IQSEC1: variants seen among roughly 807,000 people sequenced by gnomAD.
IQSEC1 encodes IQ motif and SEC7 domain-containing protein 1.
IQSEC1 carries 31 observed loss-of-function variants against 91.0 expected under a neutral mutation model. That is an observed-to-expected ratio of 0.34 (90% CI 0.26 to 0.46). The LOEUF is 0.46. Among genes scored for constraint, IQSEC1 ranks in the 20% least tolerant of loss-of-function variants. The pLI is 1.00. For missense variants in IQSEC1, 1,388 were observed against 1,575.6 expected, an observed-to-expected ratio of 0.88 and a Z score of 2.02; for synonymous variants, 699 against 662.6, an observed-to-expected ratio of 1.05 and a Z score of -0.84.
At chr3:13,186,897 C>T (rs1008791521) in intron 1 of IQSEC1, among the ~76,000 whole-genome samples, 1 of 152,188 alleles carries the variant, frequency 6.6e-6, no homozygotes, top group Non-Finnish European at 1.5e-5. Flanking sequence ...AATCTAAAGG[C>T]CCTGAAGCCT....
At chr3:13,139,637 A>G (rs868055822) in intron 2 of IQSEC1, among the ~76,000 whole-genome samples, 2 of 152,208 alleles carry the variant, frequency 1.3e-5, no homozygotes, top group African/African-American at 4.8e-5. Context: ...CGTTTTATGA[A>G]AATTTTAAAT....
intron 2 of IQSEC1, among the ~76,000 whole-genome samples, chr3:12,938,218 C>A (rs781072644): frequency 6.6e-5 from 10 of 152,234 alleles, no homozygotes; most frequent in Non-Finnish European, 1.5e-4. Flanking sequence ...CCACTACATG[C>A]TGGGCATCAC....
At chr3:13,126,921 T>C (rs1179554763) in intron 2 of IQSEC1, among the ~76,000 whole-genome samples, 2 of 152,182 alleles carry the variant, frequency 1.3e-5, no homozygotes, top group Non-Finnish European at 2.9e-5. Context: ...AGATTTTCTA[T>C]TTTTTTCCTA....
chr3:12,995,210 G>C (rs1402022199), intron 1 of IQSEC1: 1 of 152,294 alleles, frequency 6.6e-6, no homozygotes, highest in Non-Finnish European at 1.5e-5. Flanking sequence ...CAGAGAAGCT[G>C]AGCGAGTGAT....
chr3:13,070,283 C>A (rs1705371945), intron 1 of IQSEC1, among the ~76,000 whole-genome samples: 1 of 152,234 alleles, frequency 6.6e-6, no homozygotes, highest in African/African-American at 2.4e-5. Context: ...CCTCTCTGAG[C>A]CTCAGTTTCC....
chr3:12,968,129 A>C (rs1700727538), intron 1 of IQSEC1, among the ~76,000 whole-genome samples: 1 of 152,080 alleles, frequency 6.6e-6, no homozygotes, highest in Non-Finnish European at 1.5e-5. Context: ...CAAACCCCCA[A>C]CCAGAGCCTA....
intron 1 of IQSEC1, among the ~76,000 whole-genome samples, chr3:13,040,400 T>C (rs1704215743): frequency 6.6e-6 from 1 of 152,194 alleles, no homozygotes; most frequent in Admixed American, 6.5e-5. Flanking sequence ...CAAGGATTAG[T>C]CTCATTTGTC....
intron 1 of IQSEC1, among the ~76,000 whole-genome samples, chr3:13,236,300 A>G (rs2125096571): frequency 6.6e-6 from 1 of 152,260 alleles, no homozygotes; most frequent in South Asian, 2.1e-4. Flanking sequence ...CATCCTTCAC[A>G]TACTTAAGGC....
At chr3:13,098,447 CCCCAGAAAGGG>C (rs1292032984) in intron 2 of IQSEC1, among the ~76,000 whole-genome samples, 34 of 151,982 alleles carry the variant, frequency 2.2e-4, no homozygotes. Context: ...GAAAGCACAA[CCCCAGAAAGGG>C]AACGGTCTAC....
At chr3:13,190,551 G>A (rs910894447) in intron 1 of IQSEC1, among the ~76,000 whole-genome samples, 7 of 48,482 alleles carry the variant, frequency 1.4e-4, no homozygotes, top group Non-Finnish European at 3.4e-4. Flanking sequence ...GCAAGACCCT[G>A]TCTCAAAAAA....
intron 1 of IQSEC1, among the ~76,000 whole-genome samples, chr3:13,261,665 C>T (rs1695389835): frequency 6.6e-6 from 1 of 152,094 alleles, no homozygotes; most frequent in Admixed American, 6.5e-5. Flanking sequence ...GCTCCCAGGG[C>T]AGAGCCAGGG....
In IQSEC1 at chr3:12,967,989, A is replaced by G. The variant is rs979642290; in HGVS notation, c.24-26124T>C. Among the ~76,000 whole-genome samples, 2 of 152,196 alleles carry G rather than the reference A, an allele frequency of 1.3e-5. No individual in the cohort carries two copies. Among genetic ancestry groups the G allele is most frequent in the African/African-American group, 2.4e-5 (1 of 41,452 alleles). ...AGAGCGCAAGGGCGGAGTCCCAGACACTGCATCCAGGTCCCAGCGCGCGAA... is the reference window on the plus strand; with the variant it reads ...AGAGCGCAAGGGCGGAGTCCCAGACGCTGCATCCAGGTCCCAGCGCGCGAA... On this transcript the variant is annotated intron_variant, in intron 1 of 13. Transcript: ENST00000613206. This position sits in a 1 kb window ranked among gnomAD's most constrained non-coding sequence, Gnocchi z 5.9.
At chr3:13,114,602 G>A (rs1706305093) in intron 2 of IQSEC1, among the ~76,000 whole-genome samples, 1 of 152,008 alleles carries the variant, frequency 6.6e-6, no homozygotes, top group Non-Finnish European at 1.5e-5. Flanking sequence ...TATCGGCCTG[G>A]GCAACATGGT....
intron 5 of IQSEC1, 22 bp from the exon 6 acceptor site, chr3:12,920,618 G>T (rs373448503): frequency 6.8e-6 from 11 of 1,612,786 alleles, no homozygotes; most frequent in Admixed American, 1.7e-5. Flanking sequence ...GAGGGAGGGG[G>T]TCAGGGCCAT....
chr3:13,058,288 A>G (rs1031066281), intron 1 of IQSEC1, among the ~76,000 whole-genome samples: 9 of 152,180 alleles, frequency 5.9e-5, no homozygotes, highest in African/African-American at 1.9e-4. Flanking sequence ...AAAGAAAAGG[A>G]AAAAATAATT....
upstream of IQSEC1, among the ~76,000 whole-genome samples, chr3:13,076,959 T>C (rs1705572036): frequency 6.6e-6 from 1 of 151,986 alleles, no homozygotes; most frequent in African/African-American, 2.4e-5. Flanking sequence ...TACATATATA[T>C]GCCTATAGAA....
intron 1 of IQSEC1, among the ~76,000 whole-genome samples, chr3:13,256,631 C>T (rs1462118209): frequency 1.3e-5 from 2 of 152,204 alleles, no homozygotes; most frequent in Admixed American, 1.3e-4. Context: ...TCTCACTCAA[C>T]CAAAGTCACT....
chr3:13,139,646 A>G (rs1009474812), intron 2 of IQSEC1, among the ~76,000 whole-genome samples: 2 of 152,220 alleles, frequency 1.3e-5, no homozygotes, highest in Non-Finnish European at 2.9e-5. Flanking sequence ...AAAATTTTAA[A>G]TGACAGCTGG....
intron 2 of IQSEC1, among the ~76,000 whole-genome samples, chr3:13,111,049 C>T (rs968482140): frequency 2.0e-5 from 3 of 152,200 alleles, no homozygotes; most frequent in African/African-American, 7.2e-5. Context: ...AGGGCCCCTG[C>T]CACCCAGCAA....
Sources: gnomAD v4.1 joint callset for allele counts (sites outside exome capture counted in the v4.1 genomes callset) on GRCh38, gnomAD v4.1.1 for gene constraint, Gnocchi (gnomAD v3.1) non-coding constraint, MANE v1.5 for transcripts, NCBI Gene and HGNC (gene_info 2026-07-23, HGNC 2026-07-21) for gene names.